The following QTGAL variants were observed in gnomAD, a reference collection of about 807,000 sequenced individuals.
QTGAL encodes queuosine-tRNA galactosyltransferase.
At chr17:82,954,312 C>T in the QTGAL span, among the ~76,000 whole-genome samples, 3 of 152,200 alleles carry the variant, frequency 2.0e-5, no homozygotes, top group East Asian at 3.9e-4. Flanking sequence ...GATACAAAAT[C>T]GATGTGCAAA....
the QTGAL span, among the ~76,000 whole-genome samples, chr17:83,033,365 AAGAAGG>A: frequency 6.6e-6 from 1 of 152,166 alleles, no homozygotes; most frequent in Non-Finnish European, 1.5e-5. Flanking sequence ...CAGAGATGCC[AAGAAGG>A]AAGCTGAGGA....
the QTGAL span, chr17:83,005,590 C>G: frequency 1.4e-6 from 1 of 702,818 alleles, no homozygotes; most frequent in Non-Finnish European, 2.6e-6. This position sits in a 1 kb window ranked among gnomAD's most constrained non-coding sequence, Gnocchi z 5.6. Flanking sequence ...GAATCACATG[C>G]AAAGTGGATG....
the QTGAL span, chr17:82,949,461 C>T: frequency 6.6e-6 from 1 of 152,124 alleles, no homozygotes; most frequent in African/African-American, 2.4e-5. Context: ...GAGGAAGGCA[C>T]AACAACAGTG....
chr17:83,014,378 GA>G, the QTGAL span: 3 of 1,510,314 alleles, frequency 2.0e-6, no homozygotes, highest in Admixed American at 3.5e-5. Context: ...CCACCCCTAG[GA>G]AAACTCTTTA....
the QTGAL span, among the ~76,000 whole-genome samples, chr17:82,958,155 G>A: frequency 6.6e-6 from 1 of 152,160 alleles, no homozygotes; most frequent in Non-Finnish European, 1.5e-5. Flanking sequence ...CCCTGCTCCT[G>A]GAGCTGCCCG....
chr17:82,948,812 T>A, the QTGAL span: 2 of 152,208 alleles, frequency 1.3e-5, no homozygotes, highest in Non-Finnish European at 2.9e-5. Flanking sequence ...GAAATTCCAG[T>A]TGTATCAAAG....
chr17:82,962,661 AG>A, the QTGAL span, among the ~76,000 whole-genome samples: 1 of 145,424 alleles, frequency 6.9e-6, no homozygotes, highest in Non-Finnish European at 1.5e-5. Context: ...GGACCCTCGC[AG>A]GGGTCACTGA....
the QTGAL span, chr17:82,965,695 G>C: frequency 1.2e-6 from 2 of 1,612,370 alleles, no homozygotes; most frequent in South Asian, 1.1e-5. Flanking sequence ...AACCACGCTC[G>C]CGAGCAGAAC....
the QTGAL span, chr17:83,006,645 C>A: frequency 4.1e-6 from 4 of 984,486 alleles, no homozygotes; most frequent in African/African-American, 3.5e-5. This position sits in a 1 kb window ranked among gnomAD's most constrained non-coding sequence, Gnocchi z 5.8. Flanking sequence ...GCTATCCCGA[C>A]GCCGTGGCTG....
At chr17:83,044,929 C>G in the QTGAL span, among the ~76,000 whole-genome samples, 121 of 146,016 alleles carry the variant, frequency 8.3e-4, no homozygotes, top group African/African-American at 3.0e-3. Context: ...CTGGATGACA[C>G]AGTGAGACTC....
chr17:83,009,993 C>A, the QTGAL span, among the ~76,000 whole-genome samples: 1 of 139,986 alleles, frequency 7.1e-6, no homozygotes, highest in Non-Finnish European at 1.6e-5. Flanking sequence ...CTGTGGAGGC[C>A]CCTGGTGTTG....
chr17:82,974,976 GTC>G, the QTGAL span, among the ~76,000 whole-genome samples: 422 of 104,638 alleles, frequency 4.0e-3, 3 homozygotes, highest in African/African-American at 0.021. Flanking sequence ...ACTATGGAGA[GTC>G]AGGGCCCCGG....
chr17:83,011,876 T>C, the QTGAL span, among the ~76,000 whole-genome samples: 4 of 151,906 alleles, frequency 2.6e-5, no homozygotes, highest in East Asian at 1.9e-4. Context: ...CCCAGCTCGT[T>C]TGAACACACG....
At chr17:82,945,136 A>G in the QTGAL span, 1 of 152,208 alleles carries the variant, frequency 6.6e-6, no homozygotes, top group Admixed American at 6.5e-5. Context: ...AAGAGATTAG[A>G]AAAAAACAGA....
At chr17:83,036,427 G>T in the QTGAL span, among the ~76,000 whole-genome samples, 1 of 152,354 alleles carries the variant, frequency 6.6e-6, no homozygotes, top group Admixed American at 6.5e-5. Flanking sequence ...TCCTCAGGGT[G>T]CCGGTTACAT....
chr17:83,011,098 T>G, the QTGAL span, among the ~76,000 whole-genome samples: 1 of 152,182 alleles, frequency 6.6e-6, no homozygotes, highest in African/African-American at 2.4e-5. Context: ...TGACCAAGAA[T>G]GCAGGCTTTC....
At chr17:83,002,167 T>TA in the QTGAL span, among the ~76,000 whole-genome samples, 1 of 151,982 alleles carries the variant, frequency 6.6e-6, no homozygotes, top group African/African-American at 2.4e-5. Context: ...TCATTTTAAT[T>TA]AAAAAACATG....
the QTGAL span, among the ~76,000 whole-genome samples, chr17:82,965,330 T>G: frequency 6.6e-6 from 1 of 152,170 alleles, no homozygotes; most frequent in Non-Finnish European, 1.5e-5. Flanking sequence ...GAGACAGCTC[T>G]GCCAAAAGCT....
At chr17:83,015,747 C>T in the QTGAL span, among the ~76,000 whole-genome samples, 31 of 152,334 alleles carry the variant, frequency 2.0e-4, no homozygotes, top group Admixed American at 1.2e-3. This position sits in a 1 kb window ranked among gnomAD's most constrained non-coding sequence, Gnocchi z 4.4. Flanking sequence ...TAGACCCTCA[C>T]AGGAGCGCAA....
Sources: allele counts gnomAD v4.1 joint callset (sites outside exome capture counted in the v4.1 genomes callset), GRCh38; gene constraint gnomAD v4.1.1; non-coding constraint Gnocchi (gnomAD v3.1); transcripts MANE v1.5; gene names NCBI Gene and HGNC (gene_info 2026-07-23, HGNC 2026-07-21).